AGAP1: variants seen among roughly 807,000 people sequenced by gnomAD.
AGAP1 encodes arf-GAP with GTPase, ANK repeat and PH domain-containing protein 1.
In AGAP1, 29 loss-of-function variants were observed where a neutral mutation model predicts 105.3. That is an observed-to-expected ratio of 0.28 (90% CI 0.21 to 0.38). The LOEUF (loss-of-function observed/expected upper bound fraction) is 0.38. AGAP1 is among the 10% of genes least tolerant of loss of function. The probability of loss-of-function intolerance (pLI) is 1.00; values close to 1 mark genes in which losing one functional copy is unlikely to be tolerated. For synonymous variants in AGAP1, 509 were observed against 485.9 expected, an observed-to-expected ratio of 1.05 and a Z score of -0.63; for missense variants, 998 against 1,165.1, an observed-to-expected ratio of 0.86 and a Z score of 2.09.
intron 1 of AGAP1, among the ~76,000 whole-genome samples, chr2:235,607,810 C>T (rs1433710727): frequency 6.6e-6 from 1 of 152,210 alleles, no homozygotes; most frequent in African/African-American, 2.4e-5. Flanking sequence ...CTTGGATTCC[C>T]AGGCCCCAAG....
chr2:235,895,680 C>A (rs1324662301), intron 10 of AGAP1, among the ~76,000 whole-genome samples: 6 of 151,692 alleles, frequency 4.0e-5, no homozygotes, highest in Non-Finnish European at 8.8e-5. Flanking sequence ...GTATCTCTAA[C>A]ATCTGGAACA....
chr2:235,775,820 A>G (rs1469499446), intron 6 of AGAP1: 1 of 152,200 alleles, frequency 6.6e-6, no homozygotes, highest in Non-Finnish European at 1.5e-5. Flanking sequence ...ATAGAAAAAC[A>G]TTGGAAACAC....
intron 1 of AGAP1, among the ~76,000 whole-genome samples, chr2:235,542,219 G>A (rs192512011): frequency 1.3e-5 from 2 of 151,446 alleles, no homozygotes; most frequent in African/African-American, 2.4e-5. Flanking sequence ...GTGGGTCCCG[G>A]GGGGGGGCCA....
At chr2:235,851,571 C>G (rs2048458622) in intron 9 of AGAP1, among the ~76,000 whole-genome samples, 1 of 152,168 alleles carries the variant, frequency 6.6e-6, no homozygotes, top group Admixed American at 6.5e-5. Flanking sequence ...GTATCTCCCC[C>G]CTTGGAGTGT....
Position 235,936,601 on chromosome 2 carries a change from CATT to C in AGAP1, c.1483+5681_1483+5683del, listed in dbSNP as rs1244377397. Among the ~76,000 whole-genome samples the C allele has an allele frequency of 6.6e-6, 1 of 152,102 alleles. No homozygotes were observed. Among genetic ancestry groups the C allele is most frequent in the Non-Finnish European group, 1.5e-5 (1 of 67,986 alleles). Reference sequence around the variant, plus strand: ...GTCCACACCATTCATCAATTTTAATCATTATAGTTGGAGCATTTTTTTTCTCTT... The same window carrying C: ...GTCCACACCATTCATCAATTTTAATCATAGTTGGAGCATTTTTTTTCTCTT... On this transcript the variant is annotated intron_variant, in intron 12 of 17. Transcript: ENST00000304032. The surrounding 1 kb of genome is among the most constrained non-coding windows in gnomAD (Gnocchi z 4.7).
At chr2:235,984,976 G>A (rs1013797937) in intron 13 of AGAP1, among the ~76,000 whole-genome samples, 1 of 152,162 alleles carries the variant, frequency 6.6e-6, no homozygotes, top group African/African-American at 2.4e-5. Context: ...CTAGTAATAG[G>A]ATTGCTGGGT....
At position 235,933,778 on chromosome 2, in the gene AGAP1, G is replaced by A. The variant is rs192098347; in HGVS notation, c.1483+2855G>A. 9.7e-3 allele frequency among the ~76,000 whole-genome samples: 1,473 copies of A among 152,204 alleles called. 16 individuals carry two copies. The highest frequency in any genetic ancestry group is 0.031 in the Middle Eastern group (9 of 294). ...AATCTCTTGACCTCATGATCTGCCCGCCTTGGCCTCCCAAAGTGCTGGGAT... is the reference window on the plus strand; with the variant it reads ...AATCTCTTGACCTCATGATCTGCCCACCTTGGCCTCCCAAAGTGCTGGGAT... On this transcript the variant is annotated intron_variant, in intron 12 of 17. Coordinates refer to ENST00000304032, the MANE Select transcript of AGAP1 (RefSeq NM_001037131.3).
chr2:235,755,417 T>A (rs758282578), intron 6 of AGAP1, among the ~76,000 whole-genome samples: 2 of 152,206 alleles, frequency 1.3e-5, no homozygotes, highest in Non-Finnish European at 2.9e-5. Context: ...ATGTAGACAT[T>A]GTTCCTCTGG....
intron 12 of AGAP1, among the ~76,000 whole-genome samples, chr2:235,939,546 C>T (rs1559672559): frequency 6.7e-6 from 1 of 149,964 alleles, no homozygotes; most frequent in Non-Finnish European, 1.5e-5. Flanking sequence ...TCCTTCTATT[C>T]TCCTTCTCAC....
chr2:235,571,940 G>C (rs1339844142), intron 1 of AGAP1, among the ~76,000 whole-genome samples: 1 of 124,614 alleles, frequency 8.0e-6, no homozygotes, highest in East Asian at 2.5e-4. Flanking sequence ...CTTTGTGTGT[G>C]TGTGTGTGTG....
rs1052012999 is a variant in AGAP1, at chr2:235,747,868, A to C, written c.539-2486A>C. ...AGCGTTAGAGGTCAGAGCATATGGGATGGGAAAGAACGGAAGAGGAATTAG... is the reference window on the plus strand; with the variant it reads ...AGCGTTAGAGGTCAGAGCATATGGGCTGGGAAAGAACGGAAGAGGAATTAG... On this transcript the variant is annotated intron_variant, in intron 5 of 17. Transcript: ENST00000304032. The surrounding 1 kb of genome is among the most constrained non-coding windows in gnomAD (Gnocchi z 5.0). Among the ~76,000 whole-genome samples, 7 of 152,160 alleles carry C rather than the reference A, an allele frequency of 4.6e-5. No homozygotes were observed. The highest frequency in any genetic ancestry group is 1.0e-4 in the Non-Finnish European group (7 of 68,024).
chr2:235,704,121 G>A (rs1568068), intron 1 of AGAP1, among the ~76,000 whole-genome samples: 53,454 of 152,086 alleles, frequency 0.35, 9,795 homozygotes, highest in South Asian at 0.44. Flanking sequence ...ACTGGGATGG[G>A]CAGGGCCAGG....
intron 1 of AGAP1, among the ~76,000 whole-genome samples, chr2:235,571,873 C>T (rs1458421927): frequency 6.6e-6 from 1 of 150,970 alleles, no homozygotes; most frequent in Non-Finnish European, 1.5e-5. Context: ...GCTGGGACTA[C>T]AGGCGTTTGC....
chr2:236,024,642 C>G (rs1400554848), intron 13 of AGAP1, among the ~76,000 whole-genome samples: 1 of 152,148 alleles, frequency 6.6e-6, no homozygotes, highest in Non-Finnish European at 1.5e-5. Flanking sequence ...GCCCATTAAC[C>G]TTTAAGAAAA....
At chr2:235,804,535 A>AG (rs1163825318) in intron 8 of AGAP1, among the ~76,000 whole-genome samples, 1 of 152,202 alleles carries the variant, frequency 6.6e-6, no homozygotes, top group Non-Finnish European at 1.5e-5. Context: ...ACTGGTTGAA[A>AG]GGGGGTAAAC....
At chr2:235,852,889 G>T (rs1393556522) in intron 9 of AGAP1, 2 of 1,338,968 alleles carry the variant, frequency 1.5e-6, no homozygotes, top group South Asian at 2.1e-5. Context: ...CTCCAGATCG[G>T]CCGATAGCTT....
intron 16 of AGAP1, among the ~76,000 whole-genome samples, chr2:236,107,697 TGTGCCAGCCTGCACAGGGCA>T (rs1488654664): frequency 1.3e-5 from 2 of 152,172 alleles, no homozygotes; most frequent in Non-Finnish European, 2.9e-5. Flanking sequence ...CAACACAGGC[TGTGCCAGCCTGCACAGGGCA>T]GTGCAGAATC....
intron 1 of AGAP1, among the ~76,000 whole-genome samples, chr2:235,678,822 G>A (rs557557574): frequency 6.6e-6 from 1 of 152,056 alleles, no homozygotes; most frequent in East Asian, 1.9e-4. Context: ...GCAAGGTGCT[G>A]GGTGGAAGGT....
At chr2:235,921,924 C>G (rs938809892) in intron 11 of AGAP1, among the ~76,000 whole-genome samples, 1 of 152,180 alleles carries the variant, frequency 6.6e-6, no homozygotes, top group Non-Finnish European at 1.5e-5. Flanking sequence ...CATTCACAGG[C>G]CTTAAATCGT....
Sources: allele counts gnomAD v4.1 joint callset (sites outside exome capture counted in the v4.1 genomes callset), GRCh38; gene constraint gnomAD v4.1.1; non-coding constraint Gnocchi (gnomAD v3.1); transcripts MANE v1.5; gene names NCBI Gene and HGNC (gene_info 2026-07-23, HGNC 2026-07-21).